The following NIPAL2 variants were observed in gnomAD, a reference collection of about 807,000 sequenced individuals.
NIPAL2 encodes the protein NIPA-like protein 2.
A neutral mutation model predicts 48.9 loss-of-function variants in NIPAL2; 43 were observed. That is an observed-to-expected ratio of 0.88 (90% CI 0.69 to 1.13). The LOEUF (loss-of-function observed/expected upper bound fraction) is 1.13, where lower values mean the gene tolerates loss of function less well. NIPAL2 is among the 50% of genes most tolerant of loss of function. The probability of loss-of-function intolerance (pLI) is 0.00; values close to 1 mark genes in which losing one functional copy is unlikely to be tolerated. For missense variants in NIPAL2, 446 were observed against 461.4 expected (o/e 0.97, Z 0.31); for synonymous variants, 167 against 174.6 (o/e 0.96, Z 0.34).
chr8:98,240,298 C>G (rs1812918894), intron 3 of NIPAL2, among the ~76,000 whole-genome samples: 1 of 152,116 alleles, frequency 6.6e-6, no homozygotes, highest in African/African-American at 2.4e-5. Context: ...GATCTTGGTG[C>G]TTTATTAAAA....
Position 98,191,781 on chromosome 8 carries a change from G to A in NIPAL2, c.*1197C>T, listed in dbSNP as rs1271734403. On this transcript the variant is annotated 3_prime_UTR_variant, in exon 11 of 11. Coordinates refer to ENST00000430223, the MANE Select transcript of NIPAL2 (RefSeq NM_001321635.2). ...ATTATTATGGATTCTACCTGCAAAT[G>A]TGTCTTAGCAGATATGTGATGAATT... 4 of 152,202 alleles carry A rather than the reference G, an allele frequency of 2.6e-5. No individual in the cohort carries two copies. The highest frequency in any genetic ancestry group is 9.7e-5 in the African/African-American group (4 of 41,448). The allele number at this position is 152,202 out of a possible 1,614,324, so 9.4% of individuals were successfully genotyped here.
At position 98,205,178 on chromosome 8, in the gene NIPAL2, G is replaced by T; in HGVS notation, c.724C>A (p.Gln242Lys). The T allele has an allele frequency of 1.9e-6, 3 of 1,612,622 alleles. No homozygotes were observed. The highest frequency in any genetic ancestry group is 2.5e-6 in the Non-Finnish European group (3 of 1,178,746). ...ATATAGAAAATGGGGTAAGTTAGTT[G>T]CATTTTATCCATCACAGAAAAAGTG... ...MITFSVMDKMQLTYPIFYIMF... is the reference protein window; with the variant it reads ...MITFSVMDKMKLTYPIFYIMF... The change falls in exon 7 of 11, where the codon CAA becomes AAA. Residue 242 changes from glutamine to lysine, a missense_variant. Gln to Lys is a moderately conservative substitution (Grantham distance 53). Transcript: ENST00000430223.
intron 1 of NIPAL2, among the ~76,000 whole-genome samples, chr8:98,256,235 G>C (rs1327079215): frequency 6.6e-6 from 1 of 152,082 alleles, no homozygotes. Context: ...TGTTGGTCAG[G>C]CTGGTCTCGA....
chr8:98,290,044 G>C (rs935475401), intron 1 of NIPAL2, among the ~76,000 whole-genome samples: 1 of 152,164 alleles, frequency 6.6e-6, no homozygotes, highest in Non-Finnish European at 1.5e-5. Context: ...TGGCCTTCAG[G>C]CATGGAATAA....
At chr8:98,193,250 G>T in intron 10 of NIPAL2, 160 bp from the exon 11 acceptor site, 1 of 1,124,476 alleles carries the variant, frequency 8.9e-7, no homozygotes, top group Non-Finnish European at 1.3e-6. Context: ...AAAGGCCCTT[G>T]AAACGCCATG....
chr8:98,290,699 CCG>C (rs1369856006), intron 1 of NIPAL2, among the ~76,000 whole-genome samples: 1 of 152,042 alleles, frequency 6.6e-6, no homozygotes, highest in Non-Finnish European at 1.5e-5. Flanking sequence ...TTCACATGGA[CCG>C]CATAAATATG....
At chr8:98,279,479 A>G (rs1815670187) in intron 1 of NIPAL2, among the ~76,000 whole-genome samples, 1 of 152,158 alleles carries the variant, frequency 6.6e-6, no homozygotes, top group Admixed American at 6.5e-5. Flanking sequence ...AAGTTTAAAC[A>G]TCTCTCTCTT....
In NIPAL2 at chr8:98,192,025, A is replaced by AT. The variant is rs1398571927; in HGVS notation, c.*952dup. ...AACTATCACTAAGAATTTAAATGTG[A>AT]TTTTTTAGACTTATATGGAGAATAA... On this transcript the variant is annotated 3_prime_UTR_variant, in exon 11 of 11. Transcript: ENST00000430223. The AT allele has an allele frequency of 6.6e-6, 1 of 152,172 alleles. No individual in the cohort carries two copies. The highest frequency in any genetic ancestry group is 1.5e-5 in the Non-Finnish European group (1 of 68,024). The allele number at this position is 152,172 out of a possible 1,614,324, so 9.4% of individuals were successfully genotyped here.
intron 4 of NIPAL2, among the ~76,000 whole-genome samples, chr8:98,226,278 T>C (rs1007828656): frequency 1.3e-5 from 2 of 152,152 alleles, no homozygotes. Context: ...TGCTTGTGAA[T>C]GTTTGTTAGT....
rs1044014014 is a variant in NIPAL2, at chr8:98,190,727, C to T, written c.*2251G>A. 1.3e-5 allele frequency: 2 copies of T among 152,168 alleles called. No homozygotes were observed. The highest frequency in any genetic ancestry group is 4.8e-5 in the African/African-American group (2 of 41,432). The allele number at this position is 152,168 out of a possible 1,614,324, so 9.4% of individuals were successfully genotyped here. A position where few individuals can be genotyped will look rare whatever the true frequency, so the allele number is the denominator to read the frequency against. On this transcript the variant is annotated 3_prime_UTR_variant, in exon 11 of 11. Coordinates refer to ENST00000430223, the MANE Select transcript of NIPAL2 (RefSeq NM_001321635.2). ...AGAGTTGGGTAGTTGGGACAGACAC[C>T]ATGTCTGTCTGTTGGTACAGACAAC... is the stretch of plus-strand genomic sequence containing the variant.
chr8:98,243,197 C>T (rs529316894), intron 3 of NIPAL2, among the ~76,000 whole-genome samples: 1 of 152,316 alleles, frequency 6.6e-6, no homozygotes, highest in African/African-American at 2.4e-5. Context: ...GCAGCAATTG[C>T]TGACTGCTGA....
rs1563499642 is a variant in NIPAL2, at chr8:98,222,579, C to A, written c.458G>T (p.Gly153Val). Residue 153 changes from glycine to valine, a missense_variant, in exon 5 of 11, where the codon GGA becomes GTA. Coordinates refer to ENST00000430223, the MANE Select transcript of NIPAL2 (RefSeq NM_001321635.2). ...AGCAAAGTTCACCAGTAAATATGTT[C>A]CTGCAAATGCCAGTGTCGTACCTTT... Reference protein sequence around the residue: ...DLLGTTLAFAGTYLLVNFAPN... With the variant: ...DLLGTTLAFAVTYLLVNFAPN... The A allele has an allele frequency of 6.2e-7, 1 of 1,613,902 alleles. No homozygotes were observed. Among genetic ancestry groups the A allele is most frequent in the East Asian group, 2.2e-5 (1 of 44,886 alleles).
At chr8:98,264,227 G>T in intron 1 of NIPAL2, among the ~76,000 whole-genome samples, 1 of 135,362 alleles carries the variant, frequency 7.4e-6, no homozygotes, top group African/African-American at 2.8e-5. Flanking sequence ...CACAAGACAG[G>T]GATGCCCTCT....
rs1218469853 is a variant in NIPAL2, at chr8:98,203,107, C to T, written c.880+1G>A. ...CCAATGTATAGAAAACCAAAACTCA[C>T]CTGCAATGATGGCACTGATTGTAAA... is the stretch of plus-strand genomic sequence containing the variant. On this transcript the variant is annotated splice_donor_variant, in intron 8 of 10. Coordinates refer to ENST00000430223, the MANE Select transcript of NIPAL2 (RefSeq NM_001321635.2). LOFTEE classifies it high-confidence loss of function. 1.2e-6 allele frequency: 2 copies of T among 1,611,398 alleles called. No individual in the cohort carries two copies. The highest frequency in any genetic ancestry group is 1.7e-6 in the Non-Finnish European group (2 of 1,177,550).
At chr8:98,224,755 C>CTTTTTTTTTTTTTTTTTTT (rs371936351) in intron 4 of NIPAL2, among the ~76,000 whole-genome samples, 48 of 123,722 alleles carry the variant, frequency 3.9e-4, no homozygotes, top group East Asian at 1.2e-3. Flanking sequence ...TCTTTCTTTT[C>CTTTTTTTTTTTTTTTTTTT]TTTTTTTTTT....
At chr8:98,234,674 A>T (rs868089397) in intron 4 of NIPAL2, among the ~76,000 whole-genome samples, 1 of 150,510 alleles carries the variant, frequency 6.6e-6, no homozygotes, top group Non-Finnish European at 1.5e-5. Flanking sequence ...CAGCCTCCCA[A>T]GTAGCTGGGA....
chr8:98,217,482 G>T (rs1246606889), intron 5 of NIPAL2, among the ~76,000 whole-genome samples: 4 of 152,198 alleles, frequency 2.6e-5, no homozygotes, highest in African/African-American at 9.6e-5. Context: ...TGAATGATAT[G>T]TCAAAGAATA....
chr8:98,199,024 T>C (rs927791140), intron 8 of NIPAL2, among the ~76,000 whole-genome samples: 13 of 151,870 alleles, frequency 8.6e-5, no homozygotes, highest in African/African-American at 3.1e-4. Context: ...TGGTGCCATC[T>C]TGGCTCACTG....
intron 3 of NIPAL2, among the ~76,000 whole-genome samples, chr8:98,245,786 A>C (rs557568443): frequency 6.6e-6 from 1 of 152,380 alleles, no homozygotes; most frequent in South Asian, 2.1e-4. Flanking sequence ...TTTAGGCTTC[A>C]GGAATGCTTT....
Sources: allele counts gnomAD v4.1 joint callset (sites outside exome capture counted in the v4.1 genomes callset), GRCh38; gene constraint gnomAD v4.1.1; transcripts MANE v1.5; gene names NCBI Gene and HGNC (gene_info 2026-07-23, HGNC 2026-07-21).